The following SLC24A3 variants were observed in gnomAD, a reference collection of about 807,000 sequenced individuals.
SLC24A3 encodes the protein sodium/potassium/calcium exchanger 3.
Under a neutral mutation model 75.8 loss-of-function variants are expected in SLC24A3, and 28 were observed. That is an observed-to-expected ratio of 0.37 (90% CI 0.27 to 0.51). SLC24A3 has a LOEUF of 0.51. Ranked by LOEUF, SLC24A3 falls within the 20% of genes least tolerant of loss-of-function variation. The probability of loss-of-function intolerance (pLI) is 0.94; values close to 1 mark genes in which losing one functional copy is unlikely to be tolerated. For synonymous variants in SLC24A3, 372 were observed against 334.1 expected (o/e 1.11, Z -1.24); for missense variants, 663 against 847.8 (o/e 0.78, Z 2.71).
chr20:19,326,768 C>T (rs907187633), intron 2 of SLC24A3, among the ~76,000 whole-genome samples: 5 of 151,888 alleles, frequency 3.3e-5, no homozygotes, highest in African/African-American at 9.7e-5. Flanking sequence ...TTTTTTGTAG[C>T]GACAAGGTCT....
At chr20:19,408,610 G>T (rs939368899) in intron 2 of SLC24A3, among the ~76,000 whole-genome samples, 1 of 151,974 alleles carries the variant, frequency 6.6e-6, no homozygotes, top group Non-Finnish European at 1.5e-5. Context: ...AGCTGGTCTC[G>T]AACTTCTGGC....
At chr20:19,527,010 G>T (rs913413125) in intron 3 of SLC24A3, among the ~76,000 whole-genome samples, 1 of 151,994 alleles carries the variant, frequency 6.6e-6, no homozygotes, top group African/African-American at 2.4e-5. Context: ...TAAACCCCAT[G>T]TATCACGGCC....
intron 3 of SLC24A3, among the ~76,000 whole-genome samples, chr20:19,523,522 T>A (rs2030142395): frequency 1.3e-5 from 2 of 152,212 alleles, no homozygotes; most frequent in African/African-American, 4.8e-5. Context: ...ATCATGAGAC[T>A]TAATTCAGAA....
intron 7 of SLC24A3, among the ~76,000 whole-genome samples, chr20:19,655,089 C>T (rs1412757079): frequency 1.3e-5 from 2 of 152,144 alleles, no homozygotes; most frequent in African/African-American, 2.4e-5. Flanking sequence ...TTAATTGTAC[C>T]GTGAATTTCA....
intron 1 of SLC24A3, among the ~76,000 whole-genome samples, chr20:19,270,511 G>A (rs1240800186): frequency 1.3e-5 from 2 of 152,160 alleles, no homozygotes; most frequent in African/African-American, 2.4e-5. Context: ...GTTCTGGTGA[G>A]GGCCCTCTTC....
At chr20:19,667,394 G>A (rs1267733271) in intron 8 of SLC24A3, among the ~76,000 whole-genome samples, 2 of 152,094 alleles carry the variant, frequency 1.3e-5, no homozygotes, top group Non-Finnish European at 2.9e-5. Flanking sequence ...ATGGAGTGAG[G>A]GGCATTTTTC....
chr20:19,583,889 GA>G (rs1800889365), intron 4 of SLC24A3, among the ~76,000 whole-genome samples: 1 of 152,186 alleles, frequency 6.6e-6, no homozygotes, highest in Non-Finnish European at 1.5e-5. Context: ...ACAGCGAAGC[GA>G]CCCAGGATCC....
chr20:19,298,706 A>G (rs1984119256), intron 2 of SLC24A3, among the ~76,000 whole-genome samples: 1 of 152,256 alleles, frequency 6.6e-6, no homozygotes, highest in South Asian at 2.1e-4. Flanking sequence ...TTACTCACAA[A>G]GATTCCCTTT....
At chr20:19,281,235 A>T in intron 2 of SLC24A3, 148 bp downstream of exon 2, 1 of 1,173,172 alleles carries the variant, frequency 8.5e-7, no homozygotes, top group Non-Finnish European at 1.2e-6. Flanking sequence ...CTTTCAGGTG[A>T]CATCCTGAGG....
chr20:19,265,407 A>G (rs1192889938), intron 1 of SLC24A3, among the ~76,000 whole-genome samples: 1 of 152,250 alleles, frequency 6.6e-6, no homozygotes, highest in Admixed American at 6.5e-5. Context: ...AAGAAAAGAA[A>G]TAGCTCTCTG....
At chr20:19,272,941 C>T (rs927387753) in intron 1 of SLC24A3, among the ~76,000 whole-genome samples, 1 of 152,094 alleles carries the variant, frequency 6.6e-6, no homozygotes, top group Non-Finnish European at 1.5e-5. Flanking sequence ...GAAGGAAGTC[C>T]TGGAGGGTCC....
chr20:19,667,836 C>A (rs1215915619), intron 8 of SLC24A3, among the ~76,000 whole-genome samples: 1 of 152,158 alleles, frequency 6.6e-6, no homozygotes, highest in African/African-American at 2.4e-5. Flanking sequence ...AAGTTTTTCC[C>A]ATGATGTTAG....
chr20:19,687,441 C>G (rs1343113354), intron 12 of SLC24A3, among the ~76,000 whole-genome samples: 1 of 152,246 alleles, frequency 6.6e-6, no homozygotes, highest in Non-Finnish European at 1.5e-5. Context: ...GCTGATAGCT[C>G]ATCCCACTCA....
intron 3 of SLC24A3, among the ~76,000 whole-genome samples, chr20:19,533,748 T>C (rs191256658): frequency 2.6e-5 from 4 of 152,296 alleles, no homozygotes; most frequent in Non-Finnish European, 4.4e-5. Flanking sequence ...CCCAGCAGCA[T>C]TGAAAGCCAT....
intron 2 of SLC24A3, among the ~76,000 whole-genome samples, chr20:19,436,503 T>G (rs1161222559): frequency 6.6e-6 from 1 of 152,206 alleles, no homozygotes; most frequent in Non-Finnish European, 1.5e-5. Context: ...ACCTCAACCC[T>G]AGTTTCTGGC....
intron 2 of SLC24A3, among the ~76,000 whole-genome samples, chr20:19,460,668 G>T (rs939120927): frequency 6.6e-6 from 1 of 152,088 alleles, no homozygotes; most frequent in African/African-American, 2.4e-5. Flanking sequence ...TTATTTGGAC[G>T]TGTTTCCCTC....
At chr20:19,577,824 T>G (rs2031162533) in intron 3 of SLC24A3, among the ~76,000 whole-genome samples, 1 of 152,256 alleles carries the variant, frequency 6.6e-6, no homozygotes, top group Non-Finnish European at 1.5e-5. Flanking sequence ...TATTGAATGA[T>G]GAACCACAGT....
chr20:19,245,882 A>T (rs1600391208), intron 1 of SLC24A3, among the ~76,000 whole-genome samples: 1 of 152,188 alleles, frequency 6.6e-6, no homozygotes, highest in Admixed American at 6.5e-5. Context: ...TTTTAAAATG[A>T]CAAATTTATA....
intron 11 of SLC24A3, 131 bp downstream of exon 11, chr20:19,684,467 C>G: frequency 9.1e-7 from 1 of 1,095,226 alleles, no homozygotes; most frequent in Non-Finnish European, 1.3e-6. Context: ...TCAGCCATTT[C>G]CTAATCTTAG....
Sources: allele counts gnomAD v4.1 joint callset (sites outside exome capture counted in the v4.1 genomes callset), GRCh38; gene constraint gnomAD v4.1.1; transcripts MANE v1.5; gene names NCBI Gene and HGNC (gene_info 2026-07-23, HGNC 2026-07-21).